The following IQSEC2 variants were observed in gnomAD, a reference collection of about 807,000 sequenced individuals.
IQSEC2 encodes IQ motif and SEC7 domain-containing protein 2.
A neutral mutation model predicts 74.6 loss-of-function variants in IQSEC2; 6 were observed. The ratio of observed to expected loss-of-function variants is 0.08; its 90% confidence interval spans 0.04 to 0.16. The LOEUF is 0.16. IQSEC2 is among the 10% of genes least tolerant of loss of function. IQSEC2 has a pLI of 1.00. For synonymous variants in IQSEC2, 494 were observed against 544.5 expected, an observed-to-expected ratio of 0.91 and a Z score of 1.29; for missense variants, 734 against 1,306.2, an observed-to-expected ratio of 0.56 and a Z score of 6.75.
At chrX:53,277,218 C>CT (rs782593191) in intron 2 of IQSEC2, among the ~76,000 whole-genome samples, 2,143 of 102,760 alleles carry the variant, frequency 0.021, 64 homozygotes, top group African/African-American at 0.07. Context: ...ACCGTCTTTT[C>CT]TTTTTTTTTT....
At chrX:53,284,759 CATG>C (rs2075008857) in intron 2 of IQSEC2, among the ~76,000 whole-genome samples, 1 of 112,097 alleles carries the variant, frequency 8.9e-6, no homozygotes, top group Non-Finnish European at 1.9e-5. Flanking sequence ...CCTGGTCACA[CATG>C]GTGGGGGGAC....
At position 53,321,317 on chromosome X, in the gene IQSEC2, G is replaced by A. The variant is rs2075430474; in HGVS notation, c.-194C>T. On this transcript the variant is annotated 5_prime_UTR_variant, in exon 1 of 15. Transcript: ENST00000642864. ...CGGCGGCACGGGGAGCAGGAGCTGAGGCTGCCGCCGCCACCACCACCACCA... is the reference window on the plus strand; with the variant it reads ...CGGCGGCACGGGGAGCAGGAGCTGAAGCTGCCGCCGCCACCACCACCACCA... The A allele has an allele frequency of 3.8e-6, 1 of 265,824 alleles. No homozygotes were observed. The highest frequency in any genetic ancestry group is 2.9e-5 in the African/African-American group (1 of 34,101). 21.9% of individuals were successfully genotyped at this position (265,824 alleles called of 1,213,427 possible).
chrX:53,236,456 G>A lies in IQSEC2; in HGVS notation c.3317C>T (p.Ala1106Val). 8.3e-7 allele frequency: 1 copy of A among 1,200,868 alleles called. No individual in the cohort carries two copies. Among genetic ancestry groups the A allele is most frequent in the Non-Finnish European group, 1.1e-6 (1 of 889,645 alleles). The change falls in exon 13 of 15, where the codon GCC (alanine) becomes GTC (valine). Residue 1106 changes from alanine to valine, a missense_variant. Around this residue, in one of 12 missense-constraint regions of IQSEC2, gnomAD observed 249 missense variants for 467.9 expected, o/e 0.53. Coordinates refer to ENST00000642864, the MANE Select transcript of IQSEC2 (RefSeq NM_001111125.3). ...EKQKGMMRPN[A>V]SQPGGAKDSV... ...GTCCTTGGCCCCTCCAGGCTGTGAG[G>A]CGTTAGGCCGCATCATACCTTTCTG...
intron 1 of IQSEC2, 97 bp from the exon 2 acceptor site, chrX:53,292,021 A>G: frequency 1.5e-6 from 1 of 687,000 alleles, no homozygotes; most frequent in Non-Finnish European, 2.2e-6. Flanking sequence ...CTTGAGGCCT[A>G]ATGCACATCA....
intron 8 of IQSEC2, among the ~76,000 whole-genome samples, chrX:53,245,858 C>A (rs199717337): frequency 2.6e-5 from 2 of 75,658 alleles, no homozygotes; most frequent in Non-Finnish European, 2.6e-5. Flanking sequence ...CTCAATTGTT[C>A]TTTTTTTTTT....
In IQSEC2 at chrX:53,251,151, G is replaced by A. The variant is rs1556863560; in HGVS notation, c.1425C>T (p.Ile475=). ...ACGGGTGGCAGTTCAGGGCTTCGTC[G>A]ATGGATTCAGCCAGAGACTTTACCT... ...SKQVKSLAES[I]DEALNCHPSG... is the part of the protein sequence containing the mutation. Residue 475 remains isoleucine (I), a synonymous_variant, in exon 5 of 15, where the codon ATC becomes ATT. Transcript: ENST00000642864. The A allele has an allele frequency of 1.5e-5, 18 of 1,211,095 alleles. No homozygotes were observed. Among genetic ancestry groups the A allele is most frequent in the South Asian group, 3.5e-5 (2 of 56,952 alleles).
At chrX:53,287,303 A>C (rs2075043041) in intron 2 of IQSEC2, among the ~76,000 whole-genome samples, 1 of 112,422 alleles carries the variant, frequency 8.9e-6, no homozygotes, top group African/African-American at 3.2e-5. Context: ...TCGCATAAAG[A>C]ACACTTAGGT....
At chrX:53,249,346 C>T (rs2074351642) in intron 5 of IQSEC2, among the ~76,000 whole-genome samples, 1 of 111,666 alleles carries the variant, frequency 9.0e-6, no homozygotes, top group South Asian at 3.8e-4. Context: ...TTTCTGTAGA[C>T]AAGGTGCCCC....
intron 2 of IQSEC2, among the ~76,000 whole-genome samples, chrX:53,275,218 T>C (rs1300376858): frequency 4.6e-5 from 5 of 109,889 alleles, no homozygotes; most frequent in Non-Finnish European, 9.5e-5. Context: ...AGGGCTGGAG[T>C]GCAGTGGCGA....
chrX:53,236,741 T>C (rs1470378344), intron 12 of IQSEC2, among the ~76,000 whole-genome samples: 1 of 111,251 alleles, frequency 9.0e-6, no homozygotes, highest in Non-Finnish European at 1.9e-5. Context: ...CAGCCTTCCC[T>C]TCATCCCTCT....
chrX:53,261,734 A>C (rs1387974482), intron 2 of IQSEC2, among the ~76,000 whole-genome samples: 4 of 111,743 alleles, frequency 3.6e-5, no homozygotes, highest in African/African-American at 1.3e-4. Flanking sequence ...GAAATTGGAG[A>C]GCATCCTCTG....
intron 1 of IQSEC2, among the ~76,000 whole-genome samples, chrX:53,314,167 T>G (rs782339042): frequency 8.9e-6 from 1 of 111,949 alleles, no homozygotes; most frequent in South Asian, 3.7e-4. Flanking sequence ...GAAGTTGTCA[T>G]TTCTTACTAC....
At chrX:53,238,523 G>A (rs1569294408) in intron 11 of IQSEC2, among the ~76,000 whole-genome samples, 1 of 110,083 alleles carries the variant, frequency 9.1e-6, no homozygotes, top group Non-Finnish European at 1.9e-5. Context: ...GGGACCATGG[G>A]CACGCACCAC....
Position 53,234,416 on chromosome X carries a change from G to A in IQSEC2, c.4270C>T (p.Pro1424Ser). 5.2e-6 allele frequency: 5 copies of A among 964,099 alleles called. No individual in the cohort carries two copies. The highest frequency in any genetic ancestry group is 6.7e-6 in the Non-Finnish European group (5 of 751,617). The allele number at this position is 964,099 out of a possible 1,213,427, so 79.5% of individuals were successfully genotyped here. A position where few individuals can be genotyped will look rare whatever the true frequency, so the allele number is the denominator to read the frequency against. ...GGGATGGGTGAGTGTGGTGACAATG[G>A]TGACTGGGGGTGGTGGGGGTGGGAG... is the stretch of plus-strand genomic sequence containing the variant. ...SYSHPHHPQS[P>S]LSPHSPIPPH... Residue 1424 changes from proline to serine, a missense_variant, in exon 15 of 15, where the codon CCA becomes TCA. Transcript: ENST00000642864.
chrX:53,294,259 C>T (rs951608024), intron 1 of IQSEC2, among the ~76,000 whole-genome samples: 11 of 112,579 alleles, frequency 9.8e-5, no homozygotes, highest in Admixed American at 4.7e-4. Context: ...CATGATGCAG[C>T]GGGGAATTCG....
At position 53,256,033 on chromosome X, in the gene IQSEC2, G is replaced by A. The variant is rs781919609; in HGVS notation, c.766C>T (p.Leu256=). The change falls in exon 3 of 15, where the codon CTG becomes TTG. Residue 256 remains leucine, a synonymous_variant. Coordinates refer to ENST00000642864, the MANE Select transcript of IQSEC2 (RefSeq NM_001111125.3). ...CCAGGACTATCAACCGCTGTGCTCAGGTCACTGCCTGGGGCATCACCCTCC... is the reference window on the plus strand; with the variant it reads ...CCAGGACTATCAACCGCTGTGCTCAAGTCACTGCCTGGGGCATCACCCTCC... ...SVEGDAPGSD[L]STAVDSPGSQ... 9 of 1,178,094 alleles carry A rather than the reference G, an allele frequency of 7.6e-6. No individual in the cohort carries two copies. The highest frequency in any genetic ancestry group is 1.0e-5 in the Non-Finnish European group (9 of 878,317).
intron 14 of IQSEC2, 88 bp downstream of exon 14, chrX:53,235,695 G>A: frequency 2.0e-6 from 2 of 982,732 alleles, no homozygotes; most frequent in South Asian, 4.1e-5. Context: ...AGGGAAGAGG[G>A]GGAGCAACAG....
At chrX:53,269,938 C>G (rs2074714751) in intron 2 of IQSEC2, among the ~76,000 whole-genome samples, 2 of 110,692 alleles carry the variant, frequency 1.8e-5, no homozygotes, top group Non-Finnish European at 3.8e-5. Context: ...TCTTCCTGGG[C>G]TCCTTCCCTA....
At chrX:53,297,591 T>C (rs1010204800) in intron 1 of IQSEC2, among the ~76,000 whole-genome samples, 11 of 111,628 alleles carry the variant, frequency 9.9e-5, no homozygotes, top group African/African-American at 3.6e-4. Context: ...CCTCCCAAAG[T>C]GCTGGGATTA....
Sources: allele counts gnomAD v4.1 joint callset (sites outside exome capture counted in the v4.1 genomes callset), GRCh38; gene constraint gnomAD v4.1.1; regional missense constraint gnomAD v4.1.1; transcripts MANE v1.5; gene names NCBI Gene and HGNC (gene_info 2026-07-23, HGNC 2026-07-21).